ACKR3: variants seen among roughly 807,000 people sequenced by gnomAD.
ACKR3 encodes C-X-C chemokine receptor type 7.
In ACKR3, 6 loss-of-function variants were observed where a neutral mutation model predicts 22.4. That is an observed-to-expected ratio of 0.27 (90% CI 0.15 to 0.53). The LOEUF (loss-of-function observed/expected upper bound fraction) is 0.53. ACKR3 is among the 20% of genes least tolerant of loss of function. The pLI, the probability that ACKR3 is intolerant of heterozygous loss-of-function variation, is 0.96. For synonymous variants in ACKR3, 209 were observed against 205.2 expected, an observed-to-expected ratio of 1.02 and a Z score of -0.16; for missense variants, 396 against 475.2, an observed-to-expected ratio of 0.83 and a Z score of 1.55.
the ACKR3 span, among the ~76,000 whole-genome samples, chr2:236,559,237 C>T: frequency 8.5e-5 from 13 of 152,108 alleles, 1 homozygote; most frequent in Non-Finnish European, 1.6e-4. Context: ...ACTTTCTATT[C>T]GGGGTTTTTT....
At chr2:236,567,135 A>T (rs924429525), upstream of ACKR3, among the ~76,000 whole-genome samples, 1 of 152,060 alleles carries the variant, frequency 6.6e-6, no homozygotes, top group Non-Finnish European at 1.5e-5. Context: ...AGTAGCTGGG[A>T]TTACAGACGC....
chr2:236,558,683 A>T, the ACKR3 span, among the ~76,000 whole-genome samples: 1 of 152,228 alleles, frequency 6.6e-6, no homozygotes, highest in Non-Finnish European at 1.5e-5. Flanking sequence ...CAAATGGTTC[A>T]GGGAATAAAG....
At chr2:236,544,290 G>C in the ACKR3 span, among the ~76,000 whole-genome samples, 2 of 151,920 alleles carry the variant, frequency 1.3e-5, no homozygotes, top group African/African-American at 4.8e-5. The surrounding 1 kb of genome is among the most constrained non-coding windows in gnomAD (Gnocchi z 5.0). Flanking sequence ...GCCCGGAGGG[G>C]TTCATATCTT....
chr2:236,542,609 G>C, the ACKR3 span, among the ~76,000 whole-genome samples: 1 of 152,178 alleles, frequency 6.6e-6, no homozygotes, highest in Non-Finnish European at 1.5e-5. Context: ...GGCCAGTGGT[G>C]GGCGCCCTGG....
At position 236,581,685 on chromosome 2, in the gene ACKR3, C is replaced by CT; in HGVS notation, c.*131_*132insT. On this transcript the variant is annotated 3_prime_UTR_variant, in exon 2 of 2. Coordinates refer to ENST00000272928, the MANE Select transcript of ACKR3 (RefSeq NM_020311.3). The surrounding 1 kb of genome is among the most constrained non-coding windows in gnomAD (Gnocchi z 4.4). The stretch of plus-strand genomic sequence containing the variant: ...AGTAGAGTGAAGAGGGGAGCACGTG[C>CT]CCCCTGCATCCATTCTCTCTTTCTC... The CT allele has an allele frequency of 2.6e-6, 3 of 1,136,872 alleles. No individual in the cohort carries two copies. Among genetic ancestry groups the CT allele is most frequent in the Non-Finnish European group, 2.5e-6 (2 of 811,542 alleles). 70.4% of individuals were successfully genotyped at this position (1,136,872 alleles called of 1,614,324 possible).
chr2:236,556,837 A>G, the ACKR3 span, among the ~76,000 whole-genome samples: 1 of 152,084 alleles, frequency 6.6e-6, no homozygotes, highest in Non-Finnish European at 1.5e-5. Context: ...CACAGTGCCC[A>G]CCACCATCCC....
At chr2:236,566,718 C>CCTTCCCTTCCTT (rs1553634519), upstream of ACKR3, among the ~76,000 whole-genome samples, 1 of 114,490 alleles carries the variant, frequency 8.7e-6, no homozygotes, top group Admixed American at 8.8e-5. Flanking sequence ...TCCTTTCCTT[C>CCTTCCCTTCCTT]CCTTCCTTCC....
chr2:236,577,407 G>C lies in ACKR3; in HGVS notation c.-26-3033G>C, dbSNP rs1287556887. On this transcript the variant is annotated intron_variant, in intron 1 of 1. Coordinates refer to ENST00000272928, the MANE Select transcript of ACKR3 (RefSeq NM_020311.3). The surrounding 1 kb of genome is among the most constrained non-coding windows in gnomAD (Gnocchi z 5.6). Reference sequence around the variant, plus strand: ...CAAAGAGGCAAAGGTAGAAAGCCAAGGGCTGGATGGGGGTCCCTGAGCCCT... The same window carrying C: ...CAAAGAGGCAAAGGTAGAAAGCCAACGGCTGGATGGGGGTCCCTGAGCCCT... 6.6e-6 allele frequency among the ~76,000 whole-genome samples: 1 copy of C among 152,214 alleles called. No individual in the cohort carries two copies. Among genetic ancestry groups the C allele is most frequent in the Non-Finnish European group, 1.5e-5 (1 of 68,032 alleles).
the ACKR3 span, among the ~76,000 whole-genome samples, chr2:236,538,317 G>A: frequency 3.3e-5 from 5 of 152,198 alleles, no homozygotes; most frequent in South Asian, 2.1e-4. Context: ...ACAGATTGCC[G>A]AAATGAAACA....
Position 236,573,117 on chromosome 2 carries a change from T to C in ACKR3, c.-27+3193T>C, listed in dbSNP as rs113973803. 4.8e-3 allele frequency among the ~76,000 whole-genome samples: 735 copies of C among 152,246 alleles called. 5 individuals carry two copies. The highest frequency in any genetic ancestry group is 8.5e-3 in the Non-Finnish European group (579 of 68,004). Reference sequence around the variant, plus strand: ...TGCCTGGGCCAAAGCTCCCCTAGGTTACTTGGTTGGTTTCCCCATAGATTC... The same window carrying C: ...TGCCTGGGCCAAAGCTCCCCTAGGTCACTTGGTTGGTTTCCCCATAGATTC... On this transcript the variant is annotated intron_variant, in intron 1 of 1. Coordinates refer to ENST00000272928, the MANE Select transcript of ACKR3 (RefSeq NM_020311.3).
chr2:236,560,316 CTTTTTT>C, the ACKR3 span, among the ~76,000 whole-genome samples: 8 of 118,912 alleles, frequency 6.7e-5, no homozygotes, highest in South Asian at 1.6e-3. Context: ...CACTTGTTGC[CTTTTTT>C]TTTTTTTTTT....
upstream of ACKR3, among the ~76,000 whole-genome samples, chr2:236,565,157 T>C (rs1691153207): frequency 6.6e-6 from 1 of 152,032 alleles, no homozygotes; most frequent in African/African-American, 2.4e-5. Flanking sequence ...TCTAGATACC[T>C]GCAAGAAACC....
At chr2:236,576,413 C>A (rs982026609) in intron 1 of ACKR3, among the ~76,000 whole-genome samples, 7 of 152,132 alleles carry the variant, frequency 4.6e-5, no homozygotes, top group Admixed American at 4.6e-4. Flanking sequence ...CTGTGCAGGG[C>A]CCGCTGGGGG....
At chr2:236,579,351 G>A (rs918959484) in intron 1 of ACKR3, among the ~76,000 whole-genome samples, 1 of 152,208 alleles carries the variant, frequency 6.6e-6, no homozygotes, top group Non-Finnish European at 1.5e-5. Flanking sequence ...GTGCATCCTT[G>A]GGCTGAGGTT....
At chr2:236,573,553 TCA>T (rs1691351407) in intron 1 of ACKR3, among the ~76,000 whole-genome samples, 1 of 152,220 alleles carries the variant, frequency 6.6e-6, no homozygotes, top group South Asian at 2.1e-4. Context: ...GACACAGGTC[TCA>T]CACTGCAGAA....
At chr2:236,567,539 TG>T (rs924116315), upstream of ACKR3, among the ~76,000 whole-genome samples, 1 of 152,252 alleles carries the variant, frequency 6.6e-6, no homozygotes, top group African/African-American at 2.4e-5. Flanking sequence ...CAAAAAGCCC[TG>T]CTTGCTTACC....
chr2:236,579,645 C>G (rs963158267), intron 1 of ACKR3, among the ~76,000 whole-genome samples: 1 of 152,178 alleles, frequency 6.6e-6, no homozygotes, highest in African/African-American at 2.4e-5. Flanking sequence ...TGTTTTGAGT[C>G]TTGGCACACC....
the ACKR3 span, among the ~76,000 whole-genome samples, chr2:236,539,649 T>A: frequency 6.6e-6 from 1 of 152,258 alleles, no homozygotes; most frequent in Non-Finnish European, 1.5e-5. Context: ...AGCCACCACA[T>A]CCAGCCATTA....
At chr2:236,579,203 G>T (rs746346518) in intron 1 of ACKR3, among the ~76,000 whole-genome samples, 3 of 152,180 alleles carry the variant, frequency 2.0e-5, no homozygotes, top group Non-Finnish European at 4.4e-5. Context: ...CCTTGTCCTT[G>T]ATCCTCCAGG....
Sources: allele counts gnomAD v4.1 joint callset (sites outside exome capture counted in the v4.1 genomes callset), GRCh38; gene constraint gnomAD v4.1.1; non-coding constraint Gnocchi (gnomAD v3.1); transcripts MANE v1.5; gene names NCBI Gene and HGNC (gene_info 2026-07-23, HGNC 2026-07-21).